CYFIP1: variants seen among roughly 807,000 people sequenced by gnomAD.
CYFIP1 encodes the protein cytoplasmic FMR1-interacting protein 1.
A neutral mutation model predicts 163.5 loss-of-function variants in CYFIP1; 58 were observed. That is an observed-to-expected ratio of 0.35 (90% CI 0.29 to 0.44). The LOEUF (loss-of-function observed/expected upper bound fraction) is 0.44, where lower values mean the gene tolerates loss of function less well. Among genes scored for constraint, CYFIP1 ranks in the 20% least tolerant of loss-of-function variants. CYFIP1 has a pLI of 1.00. For missense variants in CYFIP1, 1,338 were observed against 1,653.8 expected (o/e 0.81, Z 3.31); for synonymous variants, 663 against 660.7 (o/e 1.00, Z -0.05).
Position 22,910,730 on chromosome 15 carries a change from TACTC to T in CYFIP1, c.2159+3_2159+6del. The stretch of plus-strand genomic sequence containing the variant: ...TTTTGTATCAAAATCACACACCAGA[TACTC>T]ACCTTCCTGCCATAACCTTATAATA... On this transcript the variant is annotated splice_donor_5th_base_variant and intron_variant, in intron 19 of 30. Transcript: ENST00000617928. The T allele has an allele frequency of 2.5e-6, 4 of 1,612,456 alleles. No individual in the cohort carries two copies. The highest frequency in any genetic ancestry group is 3.4e-6 in the Non-Finnish European group (4 of 1,178,478).
In CYFIP1 at chr15:22,894,815, T is replaced by TATAG. The variant is rs559326028; in HGVS notation, c.2589-1839_2589-1838insCTAT. On this transcript the variant is annotated intron_variant, in intron 22 of 30. Coordinates refer to ENST00000617928, the MANE Select transcript of CYFIP1 (RefSeq NM_014608.6). Reference sequence around the variant, plus strand: ...TAACATAATACATGTATTTATTCTATATAATTATATATATACATTTATAGT... The same window carrying TATAG: ...TAACATAATACATGTATTTATTCTATATAGATAATTATATATATACATTTATAGT... Among the ~76,000 whole-genome samples, 392 of 147,664 alleles carry TATAG rather than the reference T, an allele frequency of 2.7e-3. 4 individuals are homozygous for TATAG. Among genetic ancestry groups the TATAG allele is most frequent in the South Asian group, 9.5e-3 (45 of 4,756 alleles).
At chr15:22,964,683 C>T (rs985321979) in intron 1 of CYFIP1, among the ~76,000 whole-genome samples, 2 of 152,202 alleles carry the variant, frequency 1.3e-5, no homozygotes, top group Non-Finnish European at 2.9e-5. Flanking sequence ...ACATCTCAGC[C>T]GCTTGCACTT....
intron 23 of CYFIP1, among the ~76,000 whole-genome samples, chr15:22,890,472 C>T (rs2060046940): frequency 6.6e-6 from 1 of 152,188 alleles, no homozygotes; most frequent in African/African-American, 2.4e-5. Flanking sequence ...CAGGCGTGCA[C>T]CCCACCCTGC....
At chr15:22,887,986 G>C in intron 23 of CYFIP1, among the ~76,000 whole-genome samples, 1 of 152,264 alleles carries the variant, frequency 6.6e-6, no homozygotes, top group South Asian at 2.1e-4. Context: ...GACACTCTGA[G>C]CCTTCATCTG....
At chr15:22,950,529 C>A (rs1357068052) in intron 1 of CYFIP1, among the ~76,000 whole-genome samples, 13 of 152,212 alleles carry the variant, frequency 8.5e-5, no homozygotes, top group Non-Finnish European at 1.5e-5. Context: ...GCCATAGCCA[C>A]CCCCGAATCT....
At chr15:22,950,492 A>C (rs7171787) in intron 1 of CYFIP1, among the ~76,000 whole-genome samples, 71,385 of 152,012 alleles carry the variant, frequency 0.47, 17,038 homozygotes, top group Middle Eastern at 0.6. Context: ...ACACTAGGCA[A>C]AAGCTGACAG....
At chr15:22,879,004 T>A (rs143380712) in intron 26 of CYFIP1, among the ~76,000 whole-genome samples, 1 of 151,718 alleles carries the variant, frequency 6.6e-6, no homozygotes, top group East Asian at 1.9e-4. Flanking sequence ...GGCGTGGTGG[T>A]GGGCGCCTGT....
At chr15:22,937,550 A>T (rs1046988358) in intron 8 of CYFIP1, among the ~76,000 whole-genome samples, 2 of 152,166 alleles carry the variant, frequency 1.3e-5, no homozygotes, top group Admixed American at 1.3e-4. Context: ...TCCAATATGC[A>T]GCCACATGTA....
intron 21 of CYFIP1, chr15:22,905,182 T>C (rs2060528807): frequency 6.6e-6 from 1 of 152,202 alleles, no homozygotes; most frequent in African/African-American, 2.4e-5. Context: ...ATTATTATTT[T>C]TTCTAATCTT....
chr15:22,885,762 CAACAAGTCTCTA>C (rs1253776720), intron 23 of CYFIP1, among the ~76,000 whole-genome samples: 1 of 152,136 alleles, frequency 6.6e-6, no homozygotes, highest in East Asian at 1.9e-4. Context: ...AAAAAACATT[CAACAAGTCTCTA>C]GAGAGTTCCA....
chr15:22,909,159 C>T (rs551535435), intron 21 of CYFIP1, 35 bp downstream of exon 21: 2 of 1,612,450 alleles, frequency 1.2e-6, no homozygotes, highest in South Asian at 2.2e-5. Context: ...TACCCTTAGT[C>T]CAATTTATCA....
intron 1 of CYFIP1, among the ~76,000 whole-genome samples, chr15:22,956,958 C>T (rs1474318875): frequency 2.6e-5 from 4 of 152,238 alleles, no homozygotes; most frequent in South Asian, 2.1e-4. Context: ...TCACAGGGAC[C>T]GAACAGTCAT....
At chr15:22,911,226 A>G (rs1415049234) in intron 18 of CYFIP1, among the ~76,000 whole-genome samples, 11 of 152,164 alleles carry the variant, frequency 7.2e-5, no homozygotes, top group Non-Finnish European at 1.5e-4. Context: ...CTGTCCAACA[A>G]CAGCACACTA....
In CYFIP1 at chr15:22,873,274, A is replaced by G. The variant is rs559595615; in HGVS notation, c.3449+217T>C. Among the ~76,000 whole-genome samples the G allele has an allele frequency of 6.8e-4, 104 of 152,214 alleles. No individual in the cohort carries two copies. The South Asian group carries it at 0.01, about 15-fold the overall frequency. ...AAAATGCACGCCCAACGTGCATACAATTGCCGTGGGTTCAGAGACTCCCTG... is the reference window on the plus strand; with the variant it reads ...AAAATGCACGCCCAACGTGCATACAGTTGCCGTGGGTTCAGAGACTCCCTG... On this transcript the variant is annotated intron_variant, in intron 29 of 30. Transcript: ENST00000617928.
In CYFIP1 at chr15:22,966,643, G is replaced by T. The variant is rs183079831; in HGVS notation, c.-7+13644C>A. ...TTAGGAGGGGTTTGTTCCTGCCGGG[G>T]ATGAAGAAGGACCTGAGTTGTGGCC... On this transcript the variant is annotated intron_variant, in intron 1 of 30. Coordinates refer to ENST00000617928, the MANE Select transcript of CYFIP1 (RefSeq NM_014608.6). Among the ~76,000 whole-genome samples the T allele has an allele frequency of 1.4e-3, 207 of 152,172 alleles. 1 individual carries two copies. Among genetic ancestry groups the T allele is most frequent in the African/African-American group, 4.8e-3 (199 of 41,516 alleles).
chr15:22,978,771 T>A (rs180957952), intron 1 of CYFIP1, among the ~76,000 whole-genome samples: 106 of 152,138 alleles, frequency 7.0e-4, no homozygotes, highest in African/African-American at 2.4e-3. Context: ...CATAGCTGAA[T>A]CTCCAACGCC....
intron 11 of CYFIP1, among the ~76,000 whole-genome samples, chr15:22,930,192 A>AC (rs937647925): frequency 2.0e-5 from 3 of 151,250 alleles, no homozygotes; most frequent in Non-Finnish European, 4.4e-5. Flanking sequence ...CTACTAAAAA[A>AC]ACACACAAAA....
At chr15:22,946,086 T>C (rs1217780011) in intron 3 of CYFIP1, among the ~76,000 whole-genome samples, 1 of 151,886 alleles carries the variant, frequency 6.6e-6, no homozygotes, top group Non-Finnish European at 1.5e-5. Flanking sequence ...GCGGATTCCT[T>C]GAGTCCAGGA....
At position 22,893,050 on chromosome 15, in the gene CYFIP1, CATAATCCATCTACTAA is replaced by C. The variant is rs1255239400; in HGVS notation, c.2589-89_2589-74del. On this transcript the variant is annotated intron_variant, in intron 22 of 30. Coordinates refer to ENST00000617928, the MANE Select transcript of CYFIP1 (RefSeq NM_014608.6). ...AGTTCTTTAAAATTCAGAAGTCCTC[CATAATCCATCTACTAA>C]ATCTTCCTCCCAGTCAACTGATACA... 32 of 1,067,448 alleles carry C rather than the reference CATAATCCATCTACTAA, an allele frequency of 3.0e-5. No individual in the cohort carries two copies. The African/African-American group carries it at 5.0e-4, about 17-fold the overall frequency. 66.1% of individuals were successfully genotyped at this position (1,067,448 alleles called of 1,614,324 possible).
Sources: allele counts gnomAD v4.1 joint callset (sites outside exome capture counted in the v4.1 genomes callset), GRCh38; gene constraint gnomAD v4.1.1; transcripts MANE v1.5; gene names NCBI Gene and HGNC (gene_info 2026-07-23, HGNC 2026-07-21).